The following SIPA1L1 variants were observed in gnomAD, a reference collection of about 807,000 sequenced individuals.
SIPA1L1 encodes signal-induced proliferation-associated 1-like protein 1.
A neutral mutation model predicts 162.7 loss-of-function variants in SIPA1L1; 26 were observed. The observed-to-expected ratio is 0.16, with a 90% CI of 0.12 to 0.22. The LOEUF (loss-of-function observed/expected upper bound fraction) is 0.22. SIPA1L1 is among the 10% of genes least tolerant of loss of function. The pLI, the probability that SIPA1L1 is intolerant of heterozygous loss-of-function variation, is 1.00. For missense variants in SIPA1L1, 1,874 were observed against 2,241.0 expected (o/e 0.84, Z 3.31); for synonymous variants, 829 against 837.4 (o/e 0.99, Z 0.17).
At chr14:71,433,430 C>T (rs967801972) in intron 2 of SIPA1L1, among the ~76,000 whole-genome samples, 2 of 152,220 alleles carry the variant, frequency 1.3e-5, no homozygotes. Flanking sequence ...AATCTTCCAA[C>T]CTCAGCTTCC....
chr14:71,550,362 G>C (rs142649398), intron 4 of SIPA1L1, among the ~76,000 whole-genome samples: 1 of 152,192 alleles, frequency 6.6e-6, no homozygotes, highest in Non-Finnish European at 1.5e-5. Context: ...CCTCAGAAAA[G>C]GTATAGTGTG....
chr14:71,615,070 T>C (rs147723772), intron 5 of SIPA1L1, among the ~76,000 whole-genome samples: 210 of 152,348 alleles, frequency 1.4e-3, no homozygotes, highest in Non-Finnish European at 2.5e-3. Context: ...TAAACACTTT[T>C]ATTTTCTTCC....
chr14:71,676,417 G>A (rs1327422417), intron 12 of SIPA1L1, among the ~76,000 whole-genome samples: 3 of 151,446 alleles, frequency 2.0e-5, no homozygotes, highest in Non-Finnish European at 4.4e-5. Flanking sequence ...AGAAAGGACA[G>A]GGACAGTATA....
At chr14:71,395,539 T>C (rs1015819281) in intron 2 of SIPA1L1, among the ~76,000 whole-genome samples, 2 of 152,144 alleles carry the variant, frequency 1.3e-5, no homozygotes, top group African/African-American at 4.8e-5. Context: ...AGGACTTGCC[T>C]GTAGTCCCAG....
At chr14:71,640,029 G>C (rs571120325) in intron 7 of SIPA1L1, among the ~76,000 whole-genome samples, 2 of 152,110 alleles carry the variant, frequency 1.3e-5, no homozygotes, top group African/African-American at 2.4e-5. Flanking sequence ...TCAGTCTCCC[G>C]AGTAGCTGGA....
intron 2 of SIPA1L1, among the ~76,000 whole-genome samples, chr14:71,361,330 T>A (rs1001089334): frequency 2.0e-5 from 3 of 152,138 alleles, no homozygotes; most frequent in African/African-American, 7.2e-5. Context: ...ACAGTGGTAA[T>A]GGGGTATTGG....
chr14:71,353,580 T>C (rs2036930283), intron 2 of SIPA1L1, among the ~76,000 whole-genome samples: 1 of 152,090 alleles, frequency 6.6e-6, no homozygotes, highest in South Asian at 2.1e-4. Flanking sequence ...GGCTGCTGTG[T>C]TGAGAATAGC....
chr14:71,661,249 T>C, intron 9 of SIPA1L1, 61 bp from the exon 10 acceptor site: 2 of 1,558,662 alleles, frequency 1.3e-6, no homozygotes, highest in East Asian at 2.2e-5. Context: ...TATAAGGGAA[T>C]TGGGGTGGCG....
At chr14:71,717,666 G>A (rs191366366) in intron 17 of SIPA1L1, among the ~76,000 whole-genome samples, 2 of 152,150 alleles carry the variant, frequency 1.3e-5, no homozygotes, top group African/African-American at 4.8e-5. Context: ...CATGGTAGTT[G>A]TATTGTAATT....
At chr14:71,348,473 C>T (rs1326190927) in intron 2 of SIPA1L1, among the ~76,000 whole-genome samples, 1 of 152,072 alleles carries the variant, frequency 6.6e-6, no homozygotes, top group Non-Finnish European at 1.5e-5. Context: ...TATCAATATC[C>T]AACTCTTTAT....
At chr14:71,401,721 G>A (rs1185479500) in intron 2 of SIPA1L1, among the ~76,000 whole-genome samples, 1 of 151,828 alleles carries the variant, frequency 6.6e-6, no homozygotes, top group Non-Finnish European at 1.5e-5. Context: ...TTAAATGAAT[G>A]CTAAGAAAAA....
At chr14:71,387,187 G>A (rs937826635) in intron 2 of SIPA1L1, among the ~76,000 whole-genome samples, 11 of 139,434 alleles carry the variant, frequency 7.9e-5, no homozygotes, top group Middle Eastern at 3.5e-3. Flanking sequence ...GGTGGAGGTT[G>A]CAGTGAGCTG....
intron 14 of SIPA1L1, among the ~76,000 whole-genome samples, chr14:71,700,352 G>A (rs553384295): frequency 6.6e-6 from 1 of 152,168 alleles, no homozygotes; most frequent in Non-Finnish European, 1.5e-5. Context: ...GGACAACATA[G>A]CCTGTCTCTT....
At chr14:71,344,233 C>T (rs1323510885) in intron 2 of SIPA1L1, among the ~76,000 whole-genome samples, 1 of 152,204 alleles carries the variant, frequency 6.6e-6, no homozygotes, top group African/African-American at 2.4e-5. Flanking sequence ...GGTAGGGGCA[C>T]ATGCAGGCTT....
chr14:71,501,418 G>A lies in SIPA1L1; in HGVS notation c.-464-11325G>A, dbSNP rs907001499. On this transcript the variant is annotated intron_variant, in intron 2 of 23. Coordinates refer to ENST00000381232, the MANE Select transcript of SIPA1L1 (RefSeq NM_001386936.1). ...TGCTTTCCATAGCAACAAAGATGAA[G>A]TTCACAATGTGAAACAAAAGAAGAC... Among the ~76,000 whole-genome samples the A allele has an allele frequency of 2.6e-5, 4 of 152,184 alleles. No individual in the cohort carries two copies. The East Asian group carries it at 5.8e-4, about 22-fold the overall frequency.
At chr14:71,587,529 A>T (rs1450084113) in intron 4 of SIPA1L1, 42 bp from the exon 5 acceptor site, 1 of 405,324 alleles carries the variant, frequency 2.5e-6, no homozygotes, top group Non-Finnish European at 4.4e-6. Context: ...TTGTTTTTAG[A>T]TGTATTTATC....
chr14:71,622,918 G>A (rs2039597648), intron 6 of SIPA1L1, among the ~76,000 whole-genome samples: 1 of 152,090 alleles, frequency 6.6e-6, no homozygotes, highest in South Asian at 2.1e-4. Context: ...TACTCTCCTT[G>A]TGTCCATCTA....
At chr14:71,453,857 G>A (rs144847463) in intron 2 of SIPA1L1, among the ~76,000 whole-genome samples, 1,654 of 152,096 alleles carry the variant, frequency 0.011, 15 homozygotes, top group East Asian at 0.021. Flanking sequence ...AGCTGGGCAT[G>A]GTGGCTCACT....
intron 2 of SIPA1L1, among the ~76,000 whole-genome samples, chr14:71,390,670 A>G (rs1468568840): frequency 6.6e-6 from 1 of 152,124 alleles, no homozygotes; most frequent in Non-Finnish European, 1.5e-5. Context: ...CTGTGGTTCC[A>G]GCTACTCGGG....
Sources: allele counts gnomAD v4.1 joint callset (sites outside exome capture counted in the v4.1 genomes callset), GRCh38; gene constraint gnomAD v4.1.1; transcripts MANE v1.5; gene names NCBI Gene and HGNC (gene_info 2026-07-23, HGNC 2026-07-21).